The following FBXL2 variants were observed in gnomAD, a reference collection of about 807,000 sequenced individuals.
The protein encoded by FBXL2 is F-box and leucine rich repeat protein 2, also known as F-box/LRR-repeat protein 2.
A neutral mutation model predicts 69.2 loss-of-function variants in FBXL2; 38 were observed. That is an observed-to-expected ratio of 0.55 (90% confidence interval 0.42 to 0.72). The LOEUF (loss-of-function observed/expected upper bound fraction) is 0.72. Ranked by LOEUF, FBXL2 falls within the 30% of genes least tolerant of loss-of-function variation. The probability of loss-of-function intolerance (pLI) is 0.00; values close to 1 mark genes in which losing one functional copy is unlikely to be tolerated. For synonymous variants in FBXL2, 192 were observed against 201.3 expected (o/e 0.95, Z 0.39); for missense variants, 354 against 520.3 (o/e 0.68, Z 3.11).
At chr3:33,283,477 G>C (rs1268052260) in intron 1 of FBXL2, among the ~76,000 whole-genome samples, 1 of 152,044 alleles carries the variant, frequency 6.6e-6, no homozygotes, top group Non-Finnish European at 1.5e-5. Flanking sequence ...TTTTTGCATC[G>C]ATGTTCATCA....
intron 14 of FBXL2, 88 bp from the exon 15 acceptor site, chr3:33,385,413 T>C (rs1254588137): frequency 4.3e-6 from 5 of 1,157,170 alleles, no homozygotes; most frequent in Non-Finnish European, 6.5e-6. Context: ...AGATTTTTAA[T>C]AGAGGACTAT....
chr3:33,297,765 AT>A, intron 2 of FBXL2, 40 bp downstream of exon 2: 1 of 1,189,948 alleles, frequency 8.4e-7, no homozygotes, highest in Non-Finnish European at 1.2e-6. Context: ...TTTAGATCTG[AT>A]TTAGTCATCA....
At chr3:33,421,420 G>C in the FBXL2 span, among the ~76,000 whole-genome samples, 1 of 152,180 alleles carries the variant, frequency 6.6e-6, no homozygotes, top group African/African-American at 2.4e-5. Flanking sequence ...CTACAGGCGT[G>C]CGCCACCATG....
intron 2 of FBXL2, among the ~76,000 whole-genome samples, chr3:33,347,436 T>C (rs2040526059): frequency 6.6e-6 from 1 of 152,232 alleles, no homozygotes. Context: ...GACACTTAAG[T>C]TGCTTCCAAA....
chr3:33,321,680 T>A (rs1455488215), intron 2 of FBXL2, among the ~76,000 whole-genome samples: 1 of 152,236 alleles, frequency 6.6e-6, no homozygotes, highest in African/African-American at 2.4e-5. Context: ...CAAAGCTAGA[T>A]GGTATAGCCT....
At chr3:33,362,042 A>G (rs1350496397) in intron 4 of FBXL2, among the ~76,000 whole-genome samples, 1 of 152,216 alleles carries the variant, frequency 6.6e-6, no homozygotes, top group Non-Finnish European at 1.5e-5. Context: ...GGCAAAGAAA[A>G]GGTTGAGTAA....
At chr3:33,411,781 A>G in the FBXL2 span, 1 of 944,154 alleles carries the variant, frequency 1.1e-6, no homozygotes, top group Admixed American at 2.1e-5. Flanking sequence ...AAATAACTGT[A>G]ACTGCTTTGA....
intron 2 of FBXL2, among the ~76,000 whole-genome samples, chr3:33,300,938 T>C (rs934109678): frequency 5.3e-5 from 8 of 151,858 alleles, no homozygotes; most frequent in Admixed American, 5.2e-4. Context: ...CTCCTGACCT[T>C]GTGATCCGCC....
intron 2 of FBXL2, among the ~76,000 whole-genome samples, chr3:33,340,789 G>A (rs527580266): frequency 3.6e-4 from 54 of 150,650 alleles, no homozygotes; most frequent in African/African-American, 1.3e-3. Context: ...ATCCTAGGGA[G>A]ACTGAGGCAG....
intron 2 of FBXL2, among the ~76,000 whole-genome samples, chr3:33,345,930 T>C (rs2040396946): frequency 6.6e-6 from 1 of 152,164 alleles, no homozygotes; most frequent in South Asian, 2.1e-4. Context: ...AATAAAGATC[T>C]AAGATTGAGA....
intron 2 of FBXL2, among the ~76,000 whole-genome samples, chr3:33,356,859 G>A (rs1384086856): frequency 6.6e-6 from 1 of 152,110 alleles, no homozygotes; most frequent in Non-Finnish European, 1.5e-5. Context: ...CCCACATAGC[G>A]GCTCACATCT....
At chr3:33,381,246 A>G (rs1365403092) in intron 13 of FBXL2, among the ~76,000 whole-genome samples, 2 of 152,254 alleles carry the variant, frequency 1.3e-5, no homozygotes, top group Non-Finnish European at 2.9e-5. Flanking sequence ...GAATTTCCCT[A>G]TATTAAAACA....
At chr3:33,326,344 CA>C (rs980282834) in intron 2 of FBXL2, among the ~76,000 whole-genome samples, 4 of 150,318 alleles carry the variant, frequency 2.7e-5, no homozygotes, top group African/African-American at 4.9e-5. Flanking sequence ...ACTAAAAATA[CA>C]AAAAAAAATT....
At chr3:33,280,848 A>G (rs2033917141) in intron 1 of FBXL2, among the ~76,000 whole-genome samples, 1 of 152,056 alleles carries the variant, frequency 6.6e-6, no homozygotes, top group Non-Finnish European at 1.5e-5. Context: ...TTTATTGTGT[A>G]AAGCAGATTT....
At chr3:33,371,678 A>G (rs2042315824) in intron 5 of FBXL2, among the ~76,000 whole-genome samples, 2 of 152,098 alleles carry the variant, frequency 1.3e-5, no homozygotes, top group African/African-American at 4.8e-5. Context: ...TCCTCCTTCT[A>G]TGAAAACATG....
chr3:33,365,747 AAACAAACC>A (rs199515208), intron 5 of FBXL2, among the ~76,000 whole-genome samples: 18,556 of 145,360 alleles, frequency 0.13, 1,199 homozygotes, highest in African/African-American at 0.15. Flanking sequence ...ACAAACAAAC[AAACAAACC>A]AACAACAATT....
At chr3:33,378,225 C>A in intron 12 of FBXL2, 78 bp downstream of exon 12, 1 of 1,396,328 alleles carries the variant, frequency 7.2e-7, no homozygotes, top group Non-Finnish European at 1.0e-6. Context: ...GCCAGAGACA[C>A]TGACTCGCTA....
At chr3:33,422,691 C>T in the FBXL2 span, among the ~76,000 whole-genome samples, 1 of 138,178 alleles carries the variant, frequency 7.2e-6, no homozygotes, top group Non-Finnish European at 1.5e-5. Context: ...TACCACTACA[C>T]TCCAGTCTGG....
At chr3:33,408,033 T>C (rs912918552), downstream of FBXL2, among the ~76,000 whole-genome samples, 2 of 152,156 alleles carry the variant, frequency 1.3e-5, no homozygotes, top group African/African-American at 4.8e-5. Context: ...GCGGCCCAGG[T>C]CTAGGTGTAG....
Sources: allele counts gnomAD v4.1 joint callset (sites outside exome capture counted in the v4.1 genomes callset), GRCh38; gene constraint gnomAD v4.1.1; transcripts MANE v1.5; gene names NCBI Gene and HGNC (gene_info 2026-07-23, HGNC 2026-07-21).